Variants in C1QTNF3 observed in about 807,000 individuals in gnomAD.
The protein encoded by C1QTNF3 is complement C1q tumor necrosis factor-related protein 3.
A neutral mutation model predicts 32.6 loss-of-function variants in C1QTNF3; 26 were observed. That is an observed-to-expected ratio of 0.80 (90% CI 0.58 to 1.11). C1QTNF3 has a LOEUF of 1.11. Among genes scored for constraint, C1QTNF3 ranks in the 50% least tolerant of loss-of-function variants. C1QTNF3 has a pLI of 0.00. For synonymous variants in C1QTNF3, 155 were observed against 146.0 expected, an observed-to-expected ratio of 1.06 and a Z score of -0.44; for missense variants, 362 against 398.2, an observed-to-expected ratio of 0.91 and a Z score of 0.77.
rs961836262 is a variant in C1QTNF3 at position 34,036,905 on chromosome 5, T to C, written c.304-1147A>G. On this transcript the variant is annotated intron_variant, in intron 1 of 5. Transcript: ENST00000382065. ...AGGCGGAGGTTGCAGTGAGCTGAGA[T>C]AGCACCATTGTACTCCAGCCTGGGC... 3.3e-5 allele frequency among the ~76,000 whole-genome samples: 5 copies of C among 152,040 alleles called. No individual in the cohort carries two copies. The East Asian group carries it at 7.7e-4, about 24-fold the overall frequency.
chr5:34,111,312 T>C, the C1QTNF3 span, among the ~76,000 whole-genome samples: 61 of 152,120 alleles, frequency 4.0e-4, no homozygotes, highest in Admixed American at 1.6e-3. Flanking sequence ...TCTGGACTCT[T>C]TATTCTCTTC....
At chr5:34,083,419 G>A in the C1QTNF3 span, among the ~76,000 whole-genome samples, 25 of 151,250 alleles carry the variant, frequency 1.7e-4, 1 homozygote, top group African/African-American at 5.9e-4. Context: ...CACATGCCAC[G>A]TAGAATCTGC....
chr5:34,021,296 T>C (rs1194264056), intron 5 of C1QTNF3, among the ~76,000 whole-genome samples: 1 of 152,196 alleles, frequency 6.6e-6, no homozygotes, highest in Non-Finnish European at 1.5e-5. Flanking sequence ...CATGTTACAC[T>C]GTGCAAAAAC....
At chr5:34,122,677 G>A in the C1QTNF3 span, among the ~76,000 whole-genome samples, 4 of 152,276 alleles carry the variant, frequency 2.6e-5, no homozygotes, top group African/African-American at 9.6e-5. Flanking sequence ...AAAGCATGAG[G>A]AAACCTGTTT....
At chr5:34,109,517 G>T in the C1QTNF3 span, among the ~76,000 whole-genome samples, 2 of 151,808 alleles carry the variant, frequency 1.3e-5, no homozygotes, top group African/African-American at 2.4e-5. Flanking sequence ...AGGCATTGGG[G>T]TATAAAGTAA....
the C1QTNF3 span, among the ~76,000 whole-genome samples, chr5:34,220,177 C>T: frequency 2.6e-5 from 4 of 152,014 alleles, no homozygotes; most frequent in African/African-American, 4.8e-5. Flanking sequence ...TTTTTCCTTA[C>T]ATTGCAAATC....
the C1QTNF3 span, among the ~76,000 whole-genome samples, chr5:34,187,097 G>A: frequency 2.0e-5 from 3 of 151,686 alleles, no homozygotes; most frequent in Admixed American, 1.3e-4. Context: ...TAAGTCTCAT[G>A]AGATCTGATG....
the C1QTNF3 span, among the ~76,000 whole-genome samples, chr5:34,169,761 G>C: frequency 6.6e-6 from 1 of 152,002 alleles, no homozygotes; most frequent in African/African-American, 2.4e-5. Context: ...TTAGGATGTT[G>C]ATTTTCAAAA....
At chr5:34,045,637 G>C (rs952936917), upstream of C1QTNF3, among the ~76,000 whole-genome samples, 2 of 152,110 alleles carry the variant, frequency 1.3e-5, no homozygotes, top group African/African-American at 4.8e-5. Flanking sequence ...TATGCAGCTG[G>C]AAAGAACTGG....
chr5:34,207,174 G>A, the C1QTNF3 span, among the ~76,000 whole-genome samples: 2 of 152,170 alleles, frequency 1.3e-5, no homozygotes, highest in Admixed American at 6.5e-5. Flanking sequence ...GTCGGTGGAA[G>A]AATTTTTTTT....
the C1QTNF3 span, among the ~76,000 whole-genome samples, chr5:34,107,539 GAATTAAGAAAATTAATTATT>G: frequency 1.4e-4 from 22 of 151,836 alleles, 1 homozygote; most frequent in East Asian, 2.7e-3. Flanking sequence ...AAACAAGATA[GAATTAAGAAAATTAATTATT>G]AATTAAGAAA....
At chr5:34,209,894 C>A in the C1QTNF3 span, among the ~76,000 whole-genome samples, 3 of 152,070 alleles carry the variant, frequency 2.0e-5, no homozygotes, top group African/African-American at 7.2e-5. Flanking sequence ...TAAGAAAGCA[C>A]TGGTCTCAAT....
chr5:34,213,684 T>TTG, the C1QTNF3 span, among the ~76,000 whole-genome samples: 30 of 106,890 alleles, frequency 2.8e-4, no homozygotes, highest in African/African-American at 7.6e-4. Flanking sequence ...GACATTTCTG[T>TTG]TGTGTGTGTG....
At chr5:34,135,541 TCTGGTCCTGGA>T in the C1QTNF3 span, among the ~76,000 whole-genome samples, 1 of 152,152 alleles carries the variant, frequency 6.6e-6, no homozygotes, top group African/African-American at 2.4e-5. Context: ...TGTGAATCTG[TCTGGTCCTGGA>T]CTTTTTTTGG....
the C1QTNF3 span, among the ~76,000 whole-genome samples, chr5:34,163,095 C>T: frequency 2.0e-5 from 3 of 152,156 alleles, no homozygotes; most frequent in Admixed American, 1.3e-4. Context: ...GTACAAATTA[C>T]ATTGGCAGCT....
At chr5:34,029,646 T>C (rs1252530740) in intron 3 of C1QTNF3, among the ~76,000 whole-genome samples, 1 of 152,196 alleles carries the variant, frequency 6.6e-6, no homozygotes, top group East Asian at 1.9e-4. Flanking sequence ...TTCAGAAAAA[T>C]ATCTGCAAGA....
chr5:34,124,901 T>G, the C1QTNF3 span, among the ~76,000 whole-genome samples: 4 of 152,214 alleles, frequency 2.6e-5, no homozygotes, highest in Non-Finnish European at 5.9e-5. Context: ...GGGTTTATGC[T>G]ATAGAGATTT....
the C1QTNF3 span, among the ~76,000 whole-genome samples, chr5:34,088,629 G>A: frequency 6.6e-6 from 1 of 152,136 alleles, no homozygotes; most frequent in African/African-American, 2.4e-5. Flanking sequence ...GTCTCCCTCT[G>A]TTGGAAAAAT....
chr5:34,148,084 A>T, the C1QTNF3 span, among the ~76,000 whole-genome samples: 1 of 151,468 alleles, frequency 6.6e-6, no homozygotes, highest in Non-Finnish European at 1.5e-5. Context: ...CGAGTCAAAG[A>T]AAGGGGTGAC....
Sources: gnomAD v4.1 joint callset for allele counts (sites outside exome capture counted in the v4.1 genomes callset) on GRCh38, gnomAD v4.1.1 for gene constraint, MANE v1.5 for transcripts, NCBI Gene and HGNC (gene_info 2026-07-23, HGNC 2026-07-21) for gene names.